Variants in HS3ST3B1 observed in about 807,000 individuals in gnomAD.
HS3ST3B1 encodes heparan sulfate-glucosamine 3-sulfotransferase 3B1.
HS3ST3B1 carries 13 observed loss-of-function variants against 21.3 expected under a neutral mutation model. That is an observed-to-expected ratio of 0.61 (90% CI 0.40 to 0.97). HS3ST3B1 has a LOEUF of 0.97. Ranked by LOEUF, HS3ST3B1 falls within the 50% of genes least tolerant of loss-of-function variation. The probability of loss-of-function intolerance (pLI) is 0.00; values close to 1 mark genes in which losing one functional copy is unlikely to be tolerated. For missense variants in HS3ST3B1, 459 were observed against 554.8 expected (o/e 0.83, Z 1.73); for synonymous variants, 234 against 254.8 (o/e 0.92, Z 0.78).
intron 1 of HS3ST3B1, among the ~76,000 whole-genome samples, chr17:14,325,739 A>G (rs1909790908): frequency 6.6e-6 from 1 of 152,196 alleles, no homozygotes; most frequent in Admixed American, 6.5e-5. Context: ...TAATCAGCTC[A>G]AAGCCTAAGC....
Position 14,325,025 on chromosome 17 carries a change from C to T in HS3ST3B1, c.555-20003C>T, listed in dbSNP as rs149685826. Among the ~76,000 whole-genome samples the T allele has an allele frequency of 2.0e-3, 299 of 152,206 alleles. 1 individual carries two copies. The highest frequency in any genetic ancestry group is 6.8e-3 in the Middle Eastern group (2 of 294). Reference sequence around the variant, plus strand: ...CCAGGAATTGTCCTAAGAAATGTACCCCAAATGACTATGGACCTGATCCAC... The same window carrying T: ...CCAGGAATTGTCCTAAGAAATGTACTCCAAATGACTATGGACCTGATCCAC... On this transcript the variant is annotated intron_variant, in intron 1 of 1. Transcript: ENST00000360954.
rs925689586 is a variant in HS3ST3B1, at chr17:14,303,836, G to A, written c.554+1764G>A. 6.6e-6 allele frequency: 1 copy of A among 152,280 alleles called. No individual in the cohort carries two copies. The highest frequency in any genetic ancestry group is 1.5e-5 in the Non-Finnish European group (1 of 68,136). 9.4% of individuals were successfully genotyped at this position (152,280 alleles called of 1,614,324 possible). A position where few individuals can be genotyped will look rare whatever the true frequency, so the allele number is the denominator to read the frequency against. ...TCCAGGTGGAACCCGCCAGAGCCCC[G>A]AGGCAGCCTAGGATTTTCTGAGATC... is the stretch of plus-strand genomic sequence containing the variant. On this transcript the variant is annotated intron_variant, in intron 1 of 1. Coordinates refer to ENST00000360954, the MANE Select transcript of HS3ST3B1 (RefSeq NM_006041.3). The surrounding 1 kb of genome is among the most constrained non-coding windows in gnomAD (Gnocchi z 5.7).
intron 1 of HS3ST3B1, among the ~76,000 whole-genome samples, chr17:14,318,669 C>A (rs1909570706): frequency 6.6e-6 from 1 of 152,166 alleles, no homozygotes; most frequent in African/African-American, 2.4e-5. Flanking sequence ...CTCAAGAGGG[C>A]ACAGCCAGGA....
In HS3ST3B1 at chr17:14,345,684, C is replaced by G. The variant is rs1353436309; in HGVS notation, c.*38C>G. ...TATGTACCTTACCCACGTGGCTTAT[C>G]TATTGACAGAGATTATATGTATGTA... On this transcript the variant is annotated 3_prime_UTR_variant, in exon 2 of 2. Coordinates refer to ENST00000360954, the MANE Select transcript of HS3ST3B1 (RefSeq NM_006041.3). 29 of 1,591,760 alleles carry G rather than the reference C, an allele frequency of 1.8e-5. No homozygotes were observed. The highest frequency in any genetic ancestry group is 4.5e-5 in the East Asian group (2 of 44,532).
chr17:14,326,517 A>G (rs1317111731), intron 1 of HS3ST3B1, among the ~76,000 whole-genome samples: 1 of 152,166 alleles, frequency 6.6e-6, no homozygotes, highest in Non-Finnish European at 1.5e-5. Flanking sequence ...ACAAAAAACA[A>G]AAACTTCAGT....
intron 1 of HS3ST3B1, among the ~76,000 whole-genome samples, chr17:14,337,958 C>T (rs1384699333): frequency 6.6e-6 from 1 of 151,698 alleles, no homozygotes; most frequent in African/African-American, 2.4e-5. Context: ...ATAATGGTTT[C>T]CAGTCCTGCT....
In HS3ST3B1 at chr17:14,319,726, T is replaced by TCCCC. The variant is rs1909599719; in HGVS notation, c.554+17654_554+17655insCCCC. On this transcript the variant is annotated intron_variant, in intron 1 of 1. Coordinates refer to ENST00000360954, the MANE Select transcript of HS3ST3B1 (RefSeq NM_006041.3). ...ACCAAGAGTGAGGGGGTAGACGGTT[T>TCCCC]TGTGGGAGAGGATGATGGGAGAAAA... 2.0e-5 allele frequency among the ~76,000 whole-genome samples: 3 copies of TCCCC among 152,082 alleles called. No homozygotes were observed. In the South Asian group the frequency reaches 6.2e-4, roughly 32 times the overall value.
chr17:14,327,558 T>C (rs150157640), intron 1 of HS3ST3B1: 1 of 152,356 alleles, frequency 6.6e-6, no homozygotes, highest in African/African-American at 2.4e-5. Flanking sequence ...GGTGTGATGA[T>C]ACATGTATGT....
chr17:14,340,112 T>C (rs1910325833), intron 1 of HS3ST3B1, among the ~76,000 whole-genome samples: 1 of 152,152 alleles, frequency 6.6e-6, no homozygotes, highest in African/African-American at 2.4e-5. Context: ...CCTGCCATGC[T>C]TCTCACTTGG....
intron 1 of HS3ST3B1, among the ~76,000 whole-genome samples, chr17:14,302,792 G>T (rs1401766256): frequency 6.6e-6 from 1 of 152,176 alleles, no homozygotes; most frequent in African/African-American, 2.4e-5. Context: ...CTTTGAAGGC[G>T]TCCGGGCCTC....
intron 1 of HS3ST3B1, among the ~76,000 whole-genome samples, chr17:14,310,645 T>G (rs561172668): frequency 2.4e-4 from 37 of 152,288 alleles, no homozygotes; most frequent in African/African-American, 7.9e-4. Flanking sequence ...AGACCAGTAA[T>G]TCTCTTCCAG....
At chr17:14,343,191 G>C (rs540654274) in intron 1 of HS3ST3B1, among the ~76,000 whole-genome samples, 1 of 151,088 alleles carries the variant, frequency 6.6e-6, no homozygotes, top group Admixed American at 6.6e-5. Context: ...GCAGTGAGCC[G>C]AGATCGCACC....
At chr17:14,318,985 G>T (rs1183952106) in intron 1 of HS3ST3B1, among the ~76,000 whole-genome samples, 9 of 152,184 alleles carry the variant, frequency 5.9e-5, no homozygotes, top group Non-Finnish European at 7.4e-5. Flanking sequence ...GGGGATGTGG[G>T]TTTGGGGGAT....
At chr17:14,314,671 G>A (rs1964969315) in intron 1 of HS3ST3B1, among the ~76,000 whole-genome samples, 1 of 152,224 alleles carries the variant, frequency 6.6e-6, no homozygotes, top group South Asian at 2.1e-4. Flanking sequence ...TACCATGCCT[G>A]TCTTTCTTAT....
chr17:14,328,325 T>G (rs574921921), intron 1 of HS3ST3B1: 1 of 152,326 alleles, frequency 6.6e-6, no homozygotes, highest in East Asian at 1.9e-4. Flanking sequence ...GTATCGGGCT[T>G]TTAGAATAAA....
At chr17:14,324,311 A>G (rs986971973) in intron 1 of HS3ST3B1, among the ~76,000 whole-genome samples, 1 of 152,122 alleles carries the variant, frequency 6.6e-6, no homozygotes, top group Non-Finnish European at 1.5e-5. Flanking sequence ...CATGCCCTCC[A>G]TCAACTTTGC....
At chr17:14,308,127 C>G (rs1358876857) in intron 1 of HS3ST3B1, among the ~76,000 whole-genome samples, 2 of 152,216 alleles carry the variant, frequency 1.3e-5, no homozygotes, top group African/African-American at 4.8e-5. Context: ...TTCTCTCAAA[C>G]TATGCCAAAA....
chr17:14,324,069 G>A (rs1001994740), intron 1 of HS3ST3B1, among the ~76,000 whole-genome samples: 9 of 151,922 alleles, frequency 5.9e-5, no homozygotes, highest in Non-Finnish European at 1.0e-4. Context: ...AGGCTGATTC[G>A]TCTGCCCAGA....
intron 1 of HS3ST3B1, among the ~76,000 whole-genome samples, chr17:14,341,687 A>AC (rs1910388829): frequency 6.6e-6 from 1 of 152,084 alleles, no homozygotes; most frequent in African/African-American, 2.4e-5. Flanking sequence ...ACAGCGAGAT[A>AC]CCCCTAAACC....
Sources: gnomAD v4.1 joint callset for allele counts (sites outside exome capture counted in the v4.1 genomes callset) on GRCh38, gnomAD v4.1.1 for gene constraint, Gnocchi (gnomAD v3.1) non-coding constraint, MANE v1.5 for transcripts, NCBI Gene and HGNC (gene_info 2026-07-23, HGNC 2026-07-21) for gene names.